The following GLIPR1L1 variants were observed in gnomAD, a reference collection of about 807,000 sequenced individuals.
GLIPR1L1 encodes GLIPR1-like protein 1.
In GLIPR1L1, 26 loss-of-function variants were observed where a neutral mutation model predicts 29.9. That is an observed-to-expected ratio of 0.87 (90% CI 0.64 to 1.21). The LOEUF is 1.21. GLIPR1L1 is among the 50% of genes most tolerant of loss of function. The probability of loss-of-function intolerance (pLI) is 0.00; values close to 1 mark genes in which losing one functional copy is unlikely to be tolerated. For synonymous variants in GLIPR1L1, 77 were observed against 97.5 expected, an observed-to-expected ratio of 0.79 and a Z score of 1.24; for missense variants, 305 against 290.3, an observed-to-expected ratio of 1.05 and a Z score of -0.37.
chr12:75,351,016 A>G (rs1195026211), intron 3 of GLIPR1L1, among the ~76,000 whole-genome samples: 2 of 152,212 alleles, frequency 1.3e-5, no homozygotes, highest in Non-Finnish European at 2.9e-5. Flanking sequence ...GAACTGATGG[A>G]GCTGTAAAAC....
At chr12:75,357,087 G>T (rs1055683277) in intron 3 of GLIPR1L1, among the ~76,000 whole-genome samples, 1 of 152,120 alleles carries the variant, frequency 6.6e-6, no homozygotes, top group African/African-American at 2.4e-5. Context: ...TTACTCAGGA[G>T]GCTGAGGTGG....
intron 4 of GLIPR1L1, chr12:75,364,750 G>C (rs1342159394): frequency 2.6e-5 from 4 of 152,174 alleles, no homozygotes; most frequent in Admixed American, 6.5e-5. Flanking sequence ...GGAATTTAGA[G>C]CTTTTTGTTG....
intron 3 of GLIPR1L1, among the ~76,000 whole-genome samples, chr12:75,359,355 G>GTTTTTTTT (rs1463566931): frequency 1.7e-4 from 8 of 46,430 alleles, no homozygotes; most frequent in Non-Finnish European, 3.4e-4. Context: ...CAGCATTGTT[G>GTTTTTTTT]TCTTTTTTTT....
chr12:75,359,269 A>G (rs1300831053), intron 3 of GLIPR1L1, among the ~76,000 whole-genome samples: 2 of 151,260 alleles, frequency 1.3e-5, no homozygotes, highest in Non-Finnish European at 3.0e-5. Context: ...TGAAAACTAC[A>G]TAATATCATG....
chr12:75,353,356 AC>A (rs760484770), intron 3 of GLIPR1L1, among the ~76,000 whole-genome samples: 3 of 152,246 alleles, frequency 2.0e-5, no homozygotes, highest in Non-Finnish European at 4.4e-5. Context: ...ATCAGAGAAT[AC>A]TATAAACACC....
rs61616225 is a variant in GLIPR1L1 at position 75,359,357 on chromosome 12, C to CTTTTTTTTTTTTTTTTTTT, written c.522-3733_522-3715dup. On this transcript the variant is annotated intron_variant, in intron 3 of 5. Coordinates refer to ENST00000378695, the MANE Select transcript of GLIPR1L1 (RefSeq NM_001304964.2). ...GAGTTAGAAGACTCAGCATTGTTGT[C>CTTTTTTTTTTTTTTTTTTT]TTTTTTTTTTTTTTTTTTTTTTTTT... Among the ~76,000 whole-genome samples, 3 of 28,600 alleles carry CTTTTTTTTTTTTTTTTTTT rather than the reference C, an allele frequency of 1.0e-4. 1 individual carries two copies. Among genetic ancestry groups the CTTTTTTTTTTTTTTTTTTT allele is most frequent in the African/African-American group, 4.2e-4 (3 of 7,160 alleles). The allele number at this position is 28,600 out of a possible 152,430, so 18.8% of individuals were successfully genotyped here.
At chr12:75,352,780 A>C (rs1439532461) in intron 3 of GLIPR1L1, among the ~76,000 whole-genome samples, 1 of 152,208 alleles carries the variant, frequency 6.6e-6, no homozygotes, top group Non-Finnish European at 1.5e-5. Flanking sequence ...ATGCAAAAGA[A>C]CTGAAATCAT....
At chr12:75,369,222 A>G (rs2044194190) in intron 4 of GLIPR1L1, among the ~76,000 whole-genome samples, 1 of 151,934 alleles carries the variant, frequency 6.6e-6, no homozygotes, top group African/African-American at 2.4e-5. Context: ...CATTTTAGCT[A>G]TTACTATAAT....
chr12:75,340,563 T>A (rs2042033921), intron 1 of GLIPR1L1, among the ~76,000 whole-genome samples: 1 of 151,986 alleles, frequency 6.6e-6, no homozygotes, highest in Non-Finnish European at 1.5e-5. Flanking sequence ...CCGAAAACTA[T>A]TTTTAAAAAG....
chr12:75,335,044 G>T (rs1426329305), intron 1 of GLIPR1L1, 142 bp downstream of exon 1: 3 of 737,624 alleles, frequency 4.1e-6, no homozygotes, highest in East Asian at 5.4e-5. Flanking sequence ...TCACACCTTG[G>T]TTGGGCTGTC....
chr12:75,346,810 A>C lies in GLIPR1L1; in HGVS notation c.421-812A>C, dbSNP rs199614344. On this transcript the variant is annotated intron_variant, in intron 2 of 5. Transcript: ENST00000378695. ...ATCAATTTACGAAATAGCTTAGTACATTTTGCTAATAAAGTTGTAAAATAA... is the reference window on the plus strand; with the variant it reads ...ATCAATTTACGAAATAGCTTAGTACCTTTTGCTAATAAAGTTGTAAAATAA... Among the ~76,000 whole-genome samples the C allele has an allele frequency of 2.6e-5, 4 of 152,170 alleles. No individual in the cohort carries two copies. The East Asian group carries it at 7.7e-4, about 29-fold the overall frequency.
intron 3 of GLIPR1L1, among the ~76,000 whole-genome samples, chr12:75,349,765 C>A (rs754511362): frequency 6.6e-6 from 1 of 151,934 alleles, no homozygotes; most frequent in South Asian, 2.1e-4. Context: ...TTCAGGAGTT[C>A]AAGACTGCAG....
chr12:75,369,849 T>C (rs947680870), intron 4 of GLIPR1L1, 111 bp from the exon 5 acceptor site: 11 of 1,335,664 alleles, frequency 8.2e-6, no homozygotes, highest in Middle Eastern at 2.8e-4. Flanking sequence ...TGTTAAAAAG[T>C]CAAACTAATT....
intron 3 of GLIPR1L1, among the ~76,000 whole-genome samples, chr12:75,362,293 T>C (rs184236276): frequency 2.6e-5 from 4 of 152,092 alleles, no homozygotes; most frequent in Non-Finnish European, 2.9e-5. Flanking sequence ...AAAATACAAA[T>C]TAAGGTCACA....
chr12:75,341,857 C>T (rs1373082233), intron 1 of GLIPR1L1, among the ~76,000 whole-genome samples: 1 of 143,534 alleles, frequency 7.0e-6, no homozygotes, highest in Non-Finnish European at 1.5e-5. Context: ...TCAAGCAATT[C>T]TCCTCCTCAT....
chr12:75,365,648 G>A (rs2043915162), intron 4 of GLIPR1L1, among the ~76,000 whole-genome samples: 1 of 151,980 alleles, frequency 6.6e-6, no homozygotes, highest in Non-Finnish European at 1.5e-5. Flanking sequence ...ACAAACTTTA[G>A]ACAAGTTTTT....
intron 3 of GLIPR1L1, among the ~76,000 whole-genome samples, chr12:75,350,912 G>A (rs183082657): frequency 2.1e-4 from 32 of 152,268 alleles, no homozygotes; most frequent in Non-Finnish European, 4.0e-4. Context: ...AGCTAAAGGA[G>A]TATATTCTAA....
chr12:75,362,741 CAT>C (rs1412798598), intron 3 of GLIPR1L1, among the ~76,000 whole-genome samples: 3 of 152,066 alleles, frequency 2.0e-5, no homozygotes, highest in African/African-American at 4.8e-5. Context: ...AAAATTAAAA[CAT>C]AAAACACATG....
intron 3 of GLIPR1L1, 142 bp from the exon 4 acceptor site, chr12:75,362,955 AGAAAT>A: frequency 2.0e-6 from 1 of 502,232 alleles, no homozygotes; most frequent in Non-Finnish European, 3.6e-6. Context: ...TTTTAACAAA[AGAAAT>A]GAAAATAAAA....
Sources: gnomAD v4.1 joint callset for allele counts (sites outside exome capture counted in the v4.1 genomes callset) on GRCh38, gnomAD v4.1.1 for gene constraint, MANE v1.5 for transcripts, NCBI Gene and HGNC (gene_info 2026-07-23, HGNC 2026-07-21) for gene names.